Variants in KCNT2 observed in about 807,000 individuals in gnomAD.
The protein encoded by KCNT2 is potassium channel subfamily T member 2.
A neutral mutation model predicts 153.8 loss-of-function variants in KCNT2; 67 were observed. The observed-to-expected ratio is 0.44, with a 90% CI of 0.36 to 0.53. The LOEUF is 0.53. KCNT2 is among the 20% of genes least tolerant of loss of function. The pLI is 0.00. For missense variants in KCNT2, 975 were observed against 1,354.8 expected (o/e 0.72, Z 4.40); for synonymous variants, 500 against 458.8 (o/e 1.09, Z -1.15).
intron 18 of KCNT2, among the ~76,000 whole-genome samples, chr1:196,327,891 C>T (rs1259559206): frequency 1.3e-5 from 2 of 151,874 alleles, no homozygotes; most frequent in Non-Finnish European, 2.9e-5. Flanking sequence ...CCCACCTCAG[C>T]CTCCCCAAAT....
At chr1:196,382,634 C>G (rs1373237653) in intron 13 of KCNT2, among the ~76,000 whole-genome samples, 1 of 151,770 alleles carries the variant, frequency 6.6e-6, no homozygotes, top group Non-Finnish European at 1.5e-5. Flanking sequence ...GAAAGGAAAT[C>G]CATCAATTAT....
intron 8 of KCNT2, among the ~76,000 whole-genome samples, chr1:196,461,040 A>C (rs148227981): frequency 2.5e-3 from 377 of 151,816 alleles, no homozygotes; most frequent in Middle Eastern, 0.01. Flanking sequence ...GTGAAAAAAA[A>C]CAAAAAACTA....
intron 8 of KCNT2, among the ~76,000 whole-genome samples, chr1:196,461,362 T>C (rs1209366163): frequency 2.6e-5 from 4 of 151,682 alleles, no homozygotes; most frequent in South Asian, 2.1e-4. Flanking sequence ...ATTATTATTA[T>C]GACATTGAAC....
intron 1 of KCNT2, among the ~76,000 whole-genome samples, chr1:196,546,990 A>G (rs1214531665): frequency 6.6e-6 from 1 of 152,008 alleles, no homozygotes; most frequent in Admixed American, 6.6e-5. Context: ...CCATGGAAAA[A>G]AAAATCAATG....
chr1:196,505,332 T>A lies in KCNT2; in HGVS notation c.96-12991A>T, dbSNP rs1303029278. On this transcript the variant is annotated intron_variant, in intron 1 of 27. Coordinates refer to ENST00000294725, the MANE Select transcript of KCNT2 (RefSeq NM_198503.5). ...AACCAGTTTTCCCGGCACCATTTAT[T>A]AAATAGGGAATCCTTTCCCCATTGC... is the stretch of plus-strand genomic sequence containing the variant. Among the ~76,000 whole-genome samples the A allele has an allele frequency of 2.6e-5, 4 of 152,220 alleles. No individual in the cohort carries two copies. In the East Asian group the frequency reaches 7.7e-4, roughly 29 times the overall value.
chr1:196,596,778 C>T (rs143414090), intron 1 of KCNT2, among the ~76,000 whole-genome samples: 91 of 152,080 alleles, frequency 6.0e-4, no homozygotes, highest in African/African-American at 8.4e-4. Context: ...CACGTTTCAC[C>T]GCAGCCTCGA....
chr1:196,445,484 C>T (rs1344970430), intron 8 of KCNT2, among the ~76,000 whole-genome samples: 1 of 151,378 alleles, frequency 6.6e-6, no homozygotes, highest in Non-Finnish European at 1.5e-5. Flanking sequence ...TACAGCTTAA[C>T]ATGTCTCTTC....
chr1:196,423,009 A>G (rs949011674), intron 12 of KCNT2, 41 bp downstream of exon 12: 2 of 1,310,402 alleles, frequency 1.5e-6, no homozygotes, highest in Non-Finnish European at 2.1e-6. Flanking sequence ...ATCTTCTAAA[A>G]TGGAAAGCAC....
chr1:196,301,506 T>C (rs1216295412), intron 22 of KCNT2, among the ~76,000 whole-genome samples: 2 of 152,134 alleles, frequency 1.3e-5, no homozygotes, highest in Non-Finnish European at 2.9e-5. Context: ...CTTTACAGAG[T>C]ATTACTTCTG....
intron 13 of KCNT2, among the ~76,000 whole-genome samples, chr1:196,395,531 A>G (rs1670862384): frequency 6.6e-6 from 1 of 151,520 alleles, no homozygotes; most frequent in Non-Finnish European, 1.5e-5. Flanking sequence ...AATTAAAAAG[A>G]TACTTCCAAG....
At chr1:196,439,221 T>C (rs981534666) in intron 8 of KCNT2, among the ~76,000 whole-genome samples, 2 of 151,962 alleles carry the variant, frequency 1.3e-5, no homozygotes, top group Admixed American at 1.3e-4. Flanking sequence ...TGCCGCAGAA[T>C]AAAAATCCTT....
chr1:196,385,784 T>C (rs1168299224), intron 13 of KCNT2, among the ~76,000 whole-genome samples: 6 of 145,668 alleles, frequency 4.1e-5, no homozygotes, highest in Admixed American at 1.4e-4. Flanking sequence ...TATATATATA[T>C]ATATATATTT....
chr1:196,410,106 A>G (rs1176361353), intron 12 of KCNT2, among the ~76,000 whole-genome samples: 1 of 151,514 alleles, frequency 6.6e-6, no homozygotes, highest in Non-Finnish European at 1.5e-5. Flanking sequence ...CTTTGGAGAT[A>G]TTTCCATTCA....
intron 1 of KCNT2, among the ~76,000 whole-genome samples, chr1:196,516,219 G>T (rs963785488): frequency 3.9e-5 from 6 of 152,188 alleles, no homozygotes; most frequent in African/African-American, 1.4e-4. Flanking sequence ...ACCACCTTGA[G>T]ATGGAGCTCC....
intron 1 of KCNT2, among the ~76,000 whole-genome samples, chr1:196,554,097 T>G (rs959228880): frequency 6.6e-6 from 1 of 151,048 alleles, no homozygotes; most frequent in East Asian, 1.9e-4. Flanking sequence ...TAATAATGCA[T>G]CTTAAAGAGC....
chr1:196,493,669 A>G (rs1680030219), intron 1 of KCNT2, among the ~76,000 whole-genome samples: 1 of 152,082 alleles, frequency 6.6e-6, no homozygotes, highest in South Asian at 2.1e-4. Flanking sequence ...TCTGTCATCT[A>G]CATTAGGTAT....
chr1:196,580,927 T>C (rs1661957841), intron 1 of KCNT2, among the ~76,000 whole-genome samples: 1 of 152,188 alleles, frequency 6.6e-6, no homozygotes, highest in South Asian at 2.1e-4. Context: ...TTGTTTTACT[T>C]GTTCTTGTTT....
intron 14 of KCNT2, among the ~76,000 whole-genome samples, chr1:196,348,742 C>T (rs1666353553): frequency 6.6e-6 from 1 of 151,736 alleles, no homozygotes; most frequent in African/African-American, 2.4e-5. Flanking sequence ...TGAAAGAATC[C>T]CGGCCAGGCA....
chr1:196,556,335 A>T lies in KCNT2; in HGVS notation c.95+51880T>A, dbSNP rs897554591. Among the ~76,000 whole-genome samples, 5 of 151,454 alleles carry T rather than the reference A, an allele frequency of 3.3e-5. No individual in the cohort carries two copies. The Admixed American group carries it at 3.3e-4, about 10-fold the overall frequency. On this transcript the variant is annotated intron_variant, in intron 1 of 27. Coordinates refer to ENST00000294725, the MANE Select transcript of KCNT2 (RefSeq NM_198503.5). ...CTAATAATTCAATTAAAATTGGGTG[A>T]AAGATTTGAATACACGTTTTTCAAA...
Sources: gnomAD v4.1 joint callset for allele counts (sites outside exome capture counted in the v4.1 genomes callset) on GRCh38, gnomAD v4.1.1 for gene constraint, MANE v1.5 for transcripts, NCBI Gene and HGNC (gene_info 2026-07-23, HGNC 2026-07-21) for gene names.